Variants in MACF1 observed in about 807,000 individuals in gnomAD.
MACF1 encodes microtubule-actin cross-linking factor 1.
Under a neutral mutation model 854.8 loss-of-function variants are expected in MACF1, and 193 were observed. That is an observed-to-expected ratio of 0.23 (90% CI 0.20 to 0.25). The LOEUF (loss-of-function observed/expected upper bound fraction) is 0.25, where lower values mean the gene tolerates loss of function less well. MACF1 is among the 10% of genes least tolerant of loss of function. The pLI is 1.00. For synonymous variants in MACF1, 3,185 were observed against 3,226.7 expected, an observed-to-expected ratio of 0.99 and a Z score of 0.44; for missense variants, 7,722 against 8,929.1, an observed-to-expected ratio of 0.86 and a Z score of 5.45.
chr1:39,480,200 G>C, intron 98 of MACF1, 191 bp downstream of exon 98: 1 of 455,282 alleles, frequency 2.2e-6, no homozygotes, highest in Non-Finnish European at 4.1e-6. Context: ...ACAGATATAT[G>C]GCCTTTAAGA....
intron 20 of MACF1, among the ~76,000 whole-genome samples, 158 bp downstream of exon 20, chr1:39,296,040 G>A (rs546198701): frequency 7.9e-5 from 12 of 152,302 alleles, no homozygotes; most frequent in African/African-American, 2.9e-4. Context: ...TGATTCAGTA[G>A]GTGAGCAGTT....
chr1:39,359,599 T>G (rs1203033120), intron 47 of MACF1, among the ~76,000 whole-genome samples: 1 of 152,140 alleles, frequency 6.6e-6, no homozygotes, highest in Non-Finnish European at 1.5e-5. Flanking sequence ...ATTGAATGCT[T>G]ACCAAGCGTG....
At chr1:39,221,182 A>G (rs531903751) in intron 1 of MACF1, among the ~76,000 whole-genome samples, 1 of 152,348 alleles carries the variant, frequency 6.6e-6, no homozygotes, top group East Asian at 1.9e-4. Context: ...TCTTCAGGTC[A>G]GAGACCAGTT....
intron 57 of MACF1, 43 bp from the exon 58 acceptor site, chr1:39,387,144 G>A: frequency 6.3e-7 from 1 of 1,583,594 alleles, no homozygotes; most frequent in Non-Finnish European, 8.6e-7. Flanking sequence ...TTAAATGCCA[G>A]GGTTCAGGCT....
chr1:39,282,432 A>G, intron 7 of MACF1, 58 bp downstream of exon 7: 1 of 1,520,406 alleles, frequency 6.6e-7, no homozygotes, highest in East Asian at 2.3e-5. Context: ...CTTGTTTGTA[A>G]TTAGTTATAA....
rs1011876571 is a variant in MACF1, at chr1:39,337,047, C to T, written c.10066-135C>T. Reference sequence around the variant, plus strand: ...GTCTATTGATTTGAAATGACTTAAACAAAGTGTTTTATTTTATCCCACTCT... The same window carrying T: ...GTCTATTGATTTGAAATGACTTAAATAAAGTGTTTTATTTTATCCCACTCT... On this transcript the variant is annotated intron_variant, in intron 37 of 100. Coordinates refer to ENST00000564288, the MANE Select transcript of MACF1 (RefSeq NM_001394062.1). The T allele has an allele frequency of 6.6e-6, 5 of 761,444 alleles. No individual in the cohort carries two copies. In the African/African-American group the frequency reaches 8.8e-5, roughly 13 times the overall value. The allele number at this position is 761,444 out of a possible 1,614,324, so 47.2% of individuals were successfully genotyped here. A position where few individuals can be genotyped will look rare whatever the true frequency, so the allele number is the denominator to read the frequency against.
Position 39,477,027 on chromosome 1 carries a change from C to A in MACF1, c.21959-2771C>A, listed in dbSNP as rs534737228. On this transcript the variant is annotated intron_variant, in intron 97 of 100. Coordinates refer to ENST00000564288, the MANE Select transcript of MACF1 (RefSeq NM_001394062.1). Reference sequence around the variant, plus strand: ...TCTCCCTCTTAGATATATATACACACACATATATACACTTAGTGTATATAT... The same window carrying A: ...TCTCCCTCTTAGATATATATACACAAACATATATACACTTAGTGTATATAT... 2.8e-5 allele frequency among the ~76,000 whole-genome samples: 4 copies of A among 144,074 alleles called. No individual in the cohort carries two copies. In the South Asian group the frequency reaches 8.7e-4, roughly 31 times the overall value. The allele number at this position is 144,074 out of a possible 152,430, so 94.5% of individuals were successfully genotyped here.
intron 6 of MACF1, among the ~76,000 whole-genome samples, chr1:39,265,718 A>C (rs1645222823): frequency 6.6e-6 from 1 of 152,192 alleles, no homozygotes; most frequent in Non-Finnish European, 1.5e-5. Context: ...TGGATTTCTC[A>C]CCACTGGAAA....
chr1:39,234,194 T>C (rs1464390433), intron 2 of MACF1, among the ~76,000 whole-genome samples: 3 of 151,896 alleles, frequency 2.0e-5, no homozygotes, highest in Non-Finnish European at 4.4e-5. Context: ...TACTTCTTTC[T>C]ACACAGACAC....
Position 39,442,475 on chromosome 1 carries a change from A to C in MACF1, c.19012A>C (p.Ser6338Arg). The C allele has an allele frequency of 6.2e-7, 1 of 1,614,210 alleles. No homozygotes were observed. Among genetic ancestry groups the C allele is most frequent in the Non-Finnish European group, 8.5e-7 (1 of 1,180,030 alleles). The change falls in exon 77 of 101, where the codon AGT becomes CGT. Residue 6338 changes from serine (S) to arginine (R), a missense_variant. Physicochemically the swap from Ser to Arg is moderately radical, Grantham distance 110. Transcript: ENST00000564288. ...CCAGCATGCCTTAGAGGAACTAATG[A>C]GTTGGCTGACTCATACCGAAGAGTT... ...QFQHALEELM[S>R]WLTHTEELLD...
intron 2 of MACF1, among the ~76,000 whole-genome samples, chr1:39,167,432 C>T (rs1035980016): frequency 2.0e-5 from 3 of 150,720 alleles, no homozygotes; most frequent in East Asian, 2.0e-4. Flanking sequence ...TTAGACCGGG[C>T]GCGGTGGCTC....
chr1:39,276,161 C>G (rs1645432751), intron 6 of MACF1, among the ~76,000 whole-genome samples: 1 of 152,078 alleles, frequency 6.6e-6, no homozygotes, highest in Non-Finnish European at 1.5e-5. Flanking sequence ...CTCAAGTGAT[C>G]CTCTTGCCTA....
At chr1:39,459,025 C>A in intron 90 of MACF1, 61 bp from the exon 91 acceptor site, 1 of 1,375,230 alleles carries the variant, frequency 7.3e-7, no homozygotes, top group Non-Finnish European at 1.0e-6. Context: ...TTTATACATA[C>A]AGCTATTTCT....
At chr1:39,139,069 A>G (rs1352087241) in intron 2 of MACF1, among the ~76,000 whole-genome samples, 5 of 152,330 alleles carry the variant, frequency 3.3e-5, no homozygotes, top group Middle Eastern at 3.4e-3. Flanking sequence ...TGAGTATTCC[A>G]TGTTAATGCA....
intron 6 of MACF1, among the ~76,000 whole-genome samples, chr1:39,279,636 T>C (rs1200212645): frequency 6.6e-6 from 1 of 152,164 alleles, no homozygotes; most frequent in Non-Finnish European, 1.5e-5. Context: ...TTGGGTATGC[T>C]GTCTTATTAT....
At chr1:39,288,368 G>A (rs1645691275) in intron 15 of MACF1, among the ~76,000 whole-genome samples, 1 of 151,984 alleles carries the variant, frequency 6.6e-6, no homozygotes, top group Non-Finnish European at 1.5e-5. Flanking sequence ...TGTGGTGGTG[G>A]GCGCCTGTAG....
intron 58 of MACF1, chr1:39,412,465 C>T: frequency 6.2e-7 from 1 of 1,614,010 alleles, no homozygotes; most frequent in Non-Finnish European, 8.5e-7. Context: ...TTTGGAGGAT[C>T]AAGCTCCAGC....
intron 2 of MACF1, among the ~76,000 whole-genome samples, chr1:39,232,746 G>GTTTTTTTTTTTTTTGTTTTTTT (rs1644794035): frequency 7.8e-6 from 1 of 128,490 alleles, no homozygotes; most frequent in Non-Finnish European, 1.7e-5. Flanking sequence ...TACTCTCTTT[G>GTTTTTTTTTTTTTTGTTTTTTT]TTTTTTTTTT....
chr1:39,393,846 GGAGA>G (rs10652572), intron 58 of MACF1, among the ~76,000 whole-genome samples: 38 of 140,812 alleles, frequency 2.7e-4, no homozygotes, highest in Non-Finnish European at 3.7e-4. Context: ...AGGGAGGGAG[GGAGA>G]GAGAGAGAGA....
Sources: allele counts gnomAD v4.1 joint callset (sites outside exome capture counted in the v4.1 genomes callset), GRCh38; gene constraint gnomAD v4.1.1; transcripts MANE v1.5; gene names NCBI Gene and HGNC (gene_info 2026-07-23, HGNC 2026-07-21).